SVOPL: variants seen among roughly 807,000 people sequenced by gnomAD.
SVOPL encodes the protein SVOP like, also known as putative transporter SVOPL.
SVOPL carries 60 observed loss-of-function variants against 61.0 expected under a neutral mutation model. That is an observed-to-expected ratio of 0.98 (90% CI 0.80 to 1.22). The LOEUF (loss-of-function observed/expected upper bound fraction) is 1.22. Among genes scored for constraint, SVOPL ranks in the 50% most tolerant of loss-of-function variants. The probability of loss-of-function intolerance (pLI) is 0.00; values close to 1 mark genes in which losing one functional copy is unlikely to be tolerated. For synonymous variants in SVOPL, 279 were observed against 250.0 expected, an observed-to-expected ratio of 1.12 and a Z score of -1.09; for missense variants, 662 against 643.9, an observed-to-expected ratio of 1.03 and a Z score of -0.30.
At chr7:138,696,269 G>C (rs1379319) in intron 1 of SVOPL, among the ~76,000 whole-genome samples, 1 of 151,842 alleles carries the variant, frequency 6.6e-6, no homozygotes, top group African/African-American at 2.4e-5. Context: ...CTGTTGCCCA[G>C]GCTGGAGTGC....
intron 1 of SVOPL, among the ~76,000 whole-genome samples, chr7:138,686,169 G>A (rs7794320): frequency 0.073 from 11,053 of 152,072 alleles, 1,089 homozygotes; most frequent in African/African-American, 0.21. Flanking sequence ...TTGGGAGGCC[G>A]AGGTGGGTGG....
At chr7:138,663,468 T>C in intron 4 of SVOPL, 2 of 1,187,742 alleles carry the variant, frequency 1.7e-6, no homozygotes, top group Non-Finnish European at 2.1e-6. Context: ...TTTTTAAAAT[T>C]GTCTGTTCAT....
chr7:138,596,400 T>G lies in SVOPL; in HGVS notation c.1467+17A>C. 6.2e-7 allele frequency: 1 copy of G among 1,611,650 alleles called. No individual in the cohort carries two copies. Among genetic ancestry groups the G allele is most frequent in the Non-Finnish European group, 8.5e-7 (1 of 1,178,504 alleles). On this transcript the variant is annotated intron_variant, in intron 15 of 15. Coordinates refer to ENST00000674285, the MANE Select transcript of SVOPL (RefSeq NM_001139456.2). ...AGTGGTAGTTGAAAAGACTTCAGAG[T>G]TCCCTGCATCACTCACCTGGAGGGC...
intron 1 of SVOPL, among the ~76,000 whole-genome samples, chr7:138,687,530 C>A (rs56074906): frequency 0.08 from 12,172 of 151,664 alleles, 1,330 homozygotes; most frequent in African/African-American, 0.24. Context: ...AGCCACTGCA[C>A]TTGCCCTACA....
At chr7:138,689,367 G>A (rs1316549904) in intron 1 of SVOPL, 20 of 1,583,612 alleles carry the variant, frequency 1.3e-5, no homozygotes, top group Admixed American at 3.3e-5. Context: ...CCGCCGGATC[G>A]ACAGAGCTTA....
chr7:138,677,224 C>T (rs1308080336), intron 3 of SVOPL, among the ~76,000 whole-genome samples: 1 of 152,034 alleles, frequency 6.6e-6, no homozygotes, highest in Non-Finnish European at 1.5e-5. Flanking sequence ...TTTCTTATCC[C>T]TACACCCCCT....
intron 15 of SVOPL, among the ~76,000 whole-genome samples, 191 bp from the exon 16 acceptor site, chr7:138,594,812 T>C (rs1798211650): frequency 6.6e-6 from 1 of 152,126 alleles, no homozygotes; most frequent in Non-Finnish European, 1.5e-5. Context: ...AATGCAGATG[T>C]CATTTAGAAA....
chr7:138,636,438 A>G (rs895514723), intron 9 of SVOPL, among the ~76,000 whole-genome samples: 1 of 151,860 alleles, frequency 6.6e-6, no homozygotes, highest in African/African-American at 2.4e-5. Flanking sequence ...TTATTAGCCT[A>G]TAATGTCAAC....
At chr7:138,605,187 TATTTA>T (rs1798698319) in intron 14 of SVOPL, among the ~76,000 whole-genome samples, 1 of 143,066 alleles carries the variant, frequency 7.0e-6, no homozygotes, top group Non-Finnish European at 1.5e-5. Flanking sequence ...TCCTGACATT[TATTTA>T]AAAAAAAAAA....
In SVOPL at chr7:138,649,039, C is replaced by T. The variant is rs753614709; in HGVS notation, c.633G>A (p.Pro211=). The T allele has an allele frequency of 1.4e-5, 23 of 1,613,608 alleles. No homozygotes were observed. Among genetic ancestry groups the T allele is most frequent in the East Asian group, 2.2e-5 (1 of 44,858 alleles). The change falls in exon 8 of 16, where the codon CCG becomes CCA. Residue 211 remains proline, a synonymous_variant. Transcript: ENST00000674285. The part of the protein sequence containing the change: ...WRWLIRVASI[P]GIILIVAFKF... ...TGAAGGCCACGATGAGGATGATGCCCGGGATGGAGGCGACGCGAATGAGCC... is the reference window on the plus strand; with the variant it reads ...TGAAGGCCACGATGAGGATGATGCCTGGGATGGAGGCGACGCGAATGAGCC...
Position 138,649,149 on chromosome 7 carries a change from G to A in SVOPL, c.535-12C>T. On this transcript the variant is annotated splice_polypyrimidine_tract_variant and intron_variant, in intron 7 of 15. Coordinates refer to ENST00000674285, the MANE Select transcript of SVOPL (RefSeq NM_001139456.2). Reference sequence around the variant, plus strand: ...GCAAGCCAGAACACCTAGGAAGAGAGAAGTCCAGGATTAAAGTTCTTTGGG... The same window carrying A: ...GCAAGCCAGAACACCTAGGAAGAGAAAAGTCCAGGATTAAAGTTCTTTGGG... 3 of 1,597,578 alleles carry A rather than the reference G, an allele frequency of 1.9e-6. No homozygotes were observed. Among genetic ancestry groups the A allele is most frequent in the Non-Finnish European group, 2.6e-6 (3 of 1,172,182 alleles).
chr7:138,638,653 G>GA (rs34206076), intron 9 of SVOPL, among the ~76,000 whole-genome samples: 2 of 150,790 alleles, frequency 1.3e-5, no homozygotes, highest in African/African-American at 4.9e-5. Flanking sequence ...TAAGTTCAAA[G>GA]AAAAAAAAAT....
chr7:138,639,152 G>A (rs888166873), intron 9 of SVOPL, among the ~76,000 whole-genome samples: 5 of 152,168 alleles, frequency 3.3e-5, no homozygotes, highest in East Asian at 3.9e-4. Context: ...CTACTTGGGG[G>A]GCTGAGGCAG....
intron 14 of SVOPL, among the ~76,000 whole-genome samples, chr7:138,615,087 A>G (rs1238101884): frequency 6.6e-6 from 1 of 152,186 alleles, no homozygotes. Flanking sequence ...AGGTTCCAGC[A>G]GTGCACACGT....
In SVOPL at chr7:138,637,459, T is replaced by G. The variant is rs78171755; in HGVS notation, c.789+7258A>C. 9.8e-4 allele frequency among the ~76,000 whole-genome samples: 14 copies of G among 14,338 alleles called. No homozygotes were observed. In the South Asian group the frequency reaches 0.014, roughly 14 times the overall value. The allele number at this position is 14,338 out of a possible 152,430, so 9.4% of individuals were successfully genotyped here. A position where few individuals can be genotyped will look rare whatever the true frequency, so the allele number is the denominator to read the frequency against. ...ATATATATAGATAGATAGATAGATA[T>G]ATATATATAGATATAGATATAGATA... is the stretch of plus-strand genomic sequence containing the variant. On this transcript the variant is annotated intron_variant, in intron 9 of 15. Transcript: ENST00000674285.
intron 4 of SVOPL, among the ~76,000 whole-genome samples, chr7:138,664,599 G>T (rs1802170903): frequency 7.3e-6 from 1 of 137,522 alleles, no homozygotes; most frequent in African/African-American, 2.8e-5. Context: ...CATCGGGCAC[G>T]CCCCTGACCC....
At chr7:138,652,826 A>G (rs915470990) in intron 7 of SVOPL, among the ~76,000 whole-genome samples, 6 of 152,000 alleles carry the variant, frequency 3.9e-5, no homozygotes, top group South Asian at 2.1e-4. Flanking sequence ...GGGTTTCACC[A>G]TGTTAGCCAG....
At chr7:138,649,775 G>A (rs1404341285) in intron 7 of SVOPL, among the ~76,000 whole-genome samples, 1 of 152,158 alleles carries the variant, frequency 6.6e-6, no homozygotes, top group Non-Finnish European at 1.5e-5. Flanking sequence ...TACTGCAGTA[G>A]ACCAGGTCAG....
intron 7 of SVOPL, among the ~76,000 whole-genome samples, chr7:138,651,011 C>T (rs913415833): frequency 1.5e-4 from 22 of 151,168 alleles, no homozygotes; most frequent in South Asian, 2.1e-4. Context: ...CTTCTGGATT[C>T]GAAACCTCTA....
Sources: gnomAD v4.1 joint callset for allele counts (sites outside exome capture counted in the v4.1 genomes callset) on GRCh38, gnomAD v4.1.1 for gene constraint, MANE v1.5 for transcripts, NCBI Gene and HGNC (gene_info 2026-07-23, HGNC 2026-07-21) for gene names.